ADGRV1: variants seen among roughly 807,000 people sequenced by gnomAD.
ADGRV1 encodes the protein G-protein coupled receptor 98.
A neutral mutation model predicts 596.2 loss-of-function variants in ADGRV1; 359 were observed. The ratio of observed to expected loss-of-function variants is 0.60; its 90% CI spans 0.55 to 0.66. The LOEUF (loss-of-function observed/expected upper bound fraction) is 0.66, where lower values mean the gene tolerates loss of function less well. Among genes scored for constraint, ADGRV1 ranks in the 30% least tolerant of loss-of-function variants. The pLI is 0.00. For missense variants in ADGRV1, 7,274 were observed against 7,575.6 expected (o/e 0.96, Z 1.48); for synonymous variants, 2,681 against 2,679.2 (o/e 1.00, Z -0.02).
intron 17 of ADGRV1, among the ~76,000 whole-genome samples, chr5:90,650,947 A>G (rs1416607317): frequency 6.6e-6 from 1 of 152,170 alleles, no homozygotes; most frequent in African/African-American, 2.4e-5. Context: ...GCTGGAGTAA[A>G]GATGAAGAGA....
At chr5:91,056,449 G>A (rs1416732198) in intron 85 of ADGRV1, among the ~76,000 whole-genome samples, 1 of 152,068 alleles carries the variant, frequency 6.6e-6, no homozygotes, top group South Asian at 2.1e-4. Context: ...ATCACAATCC[G>A]ATTGAGAAAT....
intron 67 of ADGRV1, among the ~76,000 whole-genome samples, chr5:90,785,692 C>T (rs1026868136): frequency 6.6e-6 from 1 of 152,128 alleles, no homozygotes; most frequent in Non-Finnish European, 1.5e-5. Flanking sequence ...AAATCAAAAC[C>T]ACAATGAGAT....
At chr5:90,868,738 G>T (rs1366807888) in intron 83 of ADGRV1, among the ~76,000 whole-genome samples, 1 of 150,882 alleles carries the variant, frequency 6.6e-6, no homozygotes, top group Admixed American at 6.6e-5. Flanking sequence ...TTCATGTAGA[G>T]ATTAGTTGGG....
At chr5:90,842,372 A>C (rs557759698) in intron 78 of ADGRV1, among the ~76,000 whole-genome samples, 1 of 152,322 alleles carries the variant, frequency 6.6e-6, no homozygotes, top group South Asian at 2.1e-4. Flanking sequence ...AAGATACTTA[A>C]ATAAATAACC....
intron 45 of ADGRV1, 39 bp downstream of exon 45, chr5:90,721,098 A>G: frequency 1.3e-6 from 2 of 1,572,568 alleles, no homozygotes; most frequent in African/African-American, 1.4e-5. Context: ...TTCTGTAACG[A>G]AAAAATATTG....
chr5:90,561,947 C>CT (rs11326052), intron 1 of ADGRV1, among the ~76,000 whole-genome samples: 1 of 151,942 alleles, frequency 6.6e-6, no homozygotes, highest in South Asian at 2.1e-4. Flanking sequence ...TTGGAAATAA[C>CT]TTTTTTTTCT....
chr5:90,726,680 T>TGTGTGA (rs1751834350), intron 48 of ADGRV1, among the ~76,000 whole-genome samples: 1 of 152,010 alleles, frequency 6.6e-6, no homozygotes, highest in South Asian at 2.1e-4. Context: ...TGTGTGTGTG[T>TGTGTGA]GTGATCCTTC....
chr5:90,783,050 G>T, intron 65 of ADGRV1, 74 bp from the exon 66 acceptor site: 1 of 1,197,198 alleles, frequency 8.4e-7, no homozygotes, highest in Non-Finnish European at 1.2e-6. Context: ...TTAATTGCCA[G>T]GTTTAATTTG....
chr5:91,070,934 G>T (rs1370460732), intron 85 of ADGRV1, among the ~76,000 whole-genome samples: 1 of 152,126 alleles, frequency 6.6e-6, no homozygotes, highest in Non-Finnish European at 1.5e-5. Context: ...GGAGCCCTGG[G>T]AATCCTCAGA....
intron 75 of ADGRV1, among the ~76,000 whole-genome samples, chr5:90,822,967 G>A (rs148446939): frequency 0.017 from 2,638 of 152,200 alleles, 82 homozygotes; most frequent in African/African-American, 0.061. Context: ...TGTGATTTCT[G>A]TACATTGATT....
chr5:91,030,147 A>G (rs1026066312), intron 85 of ADGRV1, among the ~76,000 whole-genome samples: 1 of 152,012 alleles, frequency 6.6e-6, no homozygotes, highest in African/African-American at 2.4e-5. Flanking sequence ...ATACTCTTTT[A>G]ATTGTTGTAT....
intron 77 of ADGRV1, among the ~76,000 whole-genome samples, chr5:90,833,612 T>G (rs1401419417): frequency 6.6e-6 from 1 of 152,176 alleles, no homozygotes; most frequent in African/African-American, 2.4e-5. Flanking sequence ...TGCAGAGATC[T>G]TTCACTTGTT....
At chr5:90,699,315 G>A (rs1213748869) in intron 34 of ADGRV1, among the ~76,000 whole-genome samples, 1 of 152,136 alleles carries the variant, frequency 6.6e-6, no homozygotes, top group Non-Finnish European at 1.5e-5. Flanking sequence ...GTCCTTCACA[G>A]CATGAAGTTT....
intron 36 of ADGRV1, 38 bp downstream of exon 36, chr5:90,704,526 T>C: frequency 7.7e-7 from 1 of 1,299,084 alleles, no homozygotes; most frequent in Admixed American, 2.2e-5. Flanking sequence ...TTTGGTATAT[T>C]CTTTTCGTAA....
chr5:91,067,616 T>C (rs1028327050), intron 85 of ADGRV1, among the ~76,000 whole-genome samples: 2 of 152,252 alleles, frequency 1.3e-5, no homozygotes, highest in Admixed American at 6.5e-5. Context: ...TCTGCTCTTA[T>C]AGCACTCTGT....
At chr5:90,812,440 C>T (rs1356584009) in intron 74 of ADGRV1, among the ~76,000 whole-genome samples, 1 of 152,116 alleles carries the variant, frequency 6.6e-6, no homozygotes, top group Non-Finnish European at 1.5e-5. Flanking sequence ...AGCTAGTTAA[C>T]ATGTACATTA....
intron 85 of ADGRV1, among the ~76,000 whole-genome samples, chr5:90,992,681 A>G (rs1036968873): frequency 4.3e-4 from 65 of 152,176 alleles, no homozygotes; most frequent in African/African-American, 1.5e-3. Flanking sequence ...TTTAATTTCT[A>G]ATTGCTGGGT....
chr5:90,641,264 T>C (rs993879772), intron 11 of ADGRV1, among the ~76,000 whole-genome samples: 2 of 152,202 alleles, frequency 1.3e-5, no homozygotes, highest in African/African-American at 2.4e-5. Context: ...AACAGAGAAT[T>C]AGCAATCAAT....
chr5:90,814,094 G>T (rs971394219), intron 74 of ADGRV1, among the ~76,000 whole-genome samples: 12 of 152,158 alleles, frequency 7.9e-5, no homozygotes, highest in Non-Finnish European at 1.6e-4. Flanking sequence ...GACAAGAAAA[G>T]AATTGCTGCC....
Sources: gnomAD v4.1 joint callset for allele counts (sites outside exome capture counted in the v4.1 genomes callset) on GRCh38, gnomAD v4.1.1 for gene constraint, MANE v1.5 for transcripts, NCBI Gene and HGNC (gene_info 2026-07-23, HGNC 2026-07-21) for gene names.